Variants in NUP214 observed in about 807,000 individuals in gnomAD.
NUP214 encodes nuclear pore complex protein Nup214.
A neutral mutation model predicts 196.2 loss-of-function variants in NUP214; 79 were observed. The ratio of observed to expected loss-of-function variants is 0.40; its 90% CI spans 0.34 to 0.49. The LOEUF is 0.49. Ranked by LOEUF, NUP214 falls within the 20% of genes least tolerant of loss-of-function variation. The pLI, the probability that NUP214 is intolerant of heterozygous loss-of-function variation, is 0.58. For synonymous variants in NUP214, 1,020 were observed against 990.5 expected (o/e 1.03, Z -0.56); for missense variants, 2,468 against 2,539.0 (o/e 0.97, Z 0.60).
At position 131,125,834 on chromosome 9, in the gene NUP214, C is replaced by CT. The variant is rs1268114896; in HGVS notation, c.45+86dup. Reference sequence around the variant, plus strand: ...GCTGAAAGGCGAAGCGCGGTGCTGGCTGTCCCGCCTCCTGCTTGAACAGTT... The same window carrying CT: ...GCTGAAAGGCGAAGCGCGGTGCTGGCTTGTCCCGCCTCCTGCTTGAACAGTT... On this transcript the variant is annotated intron_variant, in intron 1 of 35. Transcript: ENST00000359428. The surrounding 1 kb of genome is among the most constrained non-coding windows in gnomAD (Gnocchi z 4.1). 1.4e-6 allele frequency: 2 copies of CT among 1,457,374 alleles called. No homozygotes were observed. Among genetic ancestry groups the CT allele is most frequent in the African/African-American group, 2.8e-5 (2 of 70,780 alleles). 90.3% of individuals were successfully genotyped at this position (1,457,374 alleles called of 1,614,324 possible).
intron 32 of NUP214, among the ~76,000 whole-genome samples, chr9:131,223,727 A>ATTTATTTATTTATTTATT: frequency 6.4e-5 from 1 of 15,660 alleles, no homozygotes; most frequent in African/African-American, 1.5e-4. Context: ...TTATTTATTT[A>ATTTATTTATTTATTTATT]TTTTTTTTTT....
chr9:131,174,241 G>T lies in NUP214; in HGVS notation c.3080G>T (p.Ser1027Ile). Reference protein sequence around the residue: ...PVVRTPSIQPSLLPHAAPFAK... With the variant: ...PVVRTPSIQPILLPHAAPFAK... ...GTTCGCACTCCTTCCATCCAGCCCA[G>T]TCTCTTGCCCCATGCAGCACCTTTT... is the stretch of plus-strand genomic sequence containing the variant. The change falls in exon 22 of 36, where the codon AGT becomes ATT. Residue 1027 changes from serine to isoleucine, a missense_variant. Ser to Ile is a moderately radical substitution (Grantham distance 142, BLOSUM62 -2). Around this residue, in one of 5 missense-constraint regions of NUP214, gnomAD observed 1,801 missense variants for 1,779.4 expected, o/e 1.01. Transcript: ENST00000359428. 1 of 1,613,888 alleles carries T rather than the reference G, an allele frequency of 6.2e-7. No homozygotes were observed. Among genetic ancestry groups the T allele is most frequent in the South Asian group, 1.1e-5 (1 of 91,042 alleles).
intron 18 of NUP214, among the ~76,000 whole-genome samples, chr9:131,161,505 C>T (rs951485847): frequency 2.6e-5 from 4 of 152,154 alleles, no homozygotes; most frequent in African/African-American, 9.7e-5. Context: ...GATCCACCCA[C>T]CTCGCCCTCC....
At chr9:131,184,178 G>C (rs1216468178) in intron 24 of NUP214, among the ~76,000 whole-genome samples, 3 of 150,366 alleles carry the variant, frequency 2.0e-5, no homozygotes, top group Non-Finnish European at 4.4e-5. Context: ...TTACAGGTGT[G>C]CACCAGCACA....
intron 27 of NUP214, among the ~76,000 whole-genome samples, chr9:131,193,629 CTTTTTTTTTTTTTTTTTTT>C (rs71389402): frequency 1.8e-4 from 5 of 28,228 alleles, no homozygotes; most frequent in African/African-American, 2.4e-4. Flanking sequence ...TCTTCCTTTT[CTTTTTTTTTTTTTTTTTTT>C]TTTTTTTTTT....
intron 19 of NUP214, 34 bp from the exon 20 acceptor site, chr9:131,163,836 T>C: frequency 6.5e-7 from 1 of 1,546,006 alleles, no homozygotes; most frequent in South Asian, 1.1e-5. Context: ...TTTCAGCTCC[T>C]AGTTGGTCTG....
chr9:131,231,713 G>A (rs1834883785), intron 34 of NUP214, among the ~76,000 whole-genome samples: 1 of 150,794 alleles, frequency 6.6e-6, no homozygotes, highest in Admixed American at 6.6e-5. Context: ...GGCAGAATAT[G>A]TGTCTTCCAT....
At chr9:131,176,003 A>C (rs532880244) in intron 23 of NUP214, among the ~76,000 whole-genome samples, 17 of 152,204 alleles carry the variant, frequency 1.1e-4, no homozygotes, top group African/African-American at 3.6e-4. Flanking sequence ...GATTGCAGCT[A>C]CCCCAAGAGG....
chr9:131,125,848 G>C lies in NUP214; in HGVS notation c.45+99G>C, dbSNP rs977407575. 1 of 1,389,488 alleles carries C rather than the reference G, an allele frequency of 7.2e-7. No homozygotes were observed. Among genetic ancestry groups the C allele is most frequent in the African/African-American group, 1.5e-5 (1 of 68,638 alleles). 86.1% of individuals were successfully genotyped at this position (1,389,488 alleles called of 1,614,324 possible). A position where few individuals can be genotyped will look rare whatever the true frequency, so the allele number is the denominator to read the frequency against. On this transcript the variant is annotated intron_variant, in intron 1 of 35. Coordinates refer to ENST00000359428, the MANE Select transcript of NUP214 (RefSeq NM_005085.4). The surrounding 1 kb of genome is among the most constrained non-coding windows in gnomAD (Gnocchi z 4.1). ...CGCGGTGCTGGCTGTCCCGCCTCCT[G>C]CTTGAACAGTTTACCGCGTTCACAG...
intron 32 of NUP214, among the ~76,000 whole-genome samples, chr9:131,224,870 A>G (rs545075204): frequency 4.2e-4 from 64 of 152,368 alleles, no homozygotes; most frequent in African/African-American, 1.3e-3. Context: ...TAGTTCATCG[A>G]TCATCAAGAC....
intron 27 of NUP214, among the ~76,000 whole-genome samples, chr9:131,194,919 C>T (rs1038674146): frequency 6.6e-6 from 1 of 152,208 alleles, no homozygotes; most frequent in African/African-American, 2.4e-5. Context: ...TGTCATGTGT[C>T]TCTACTGCTG....
At chr9:131,230,555 A>G in intron 33 of NUP214, 75 bp from the exon 34 acceptor site, 1 of 1,572,588 alleles carries the variant, frequency 6.4e-7, no homozygotes, top group South Asian at 1.1e-5. Context: ...GACTTACAGC[A>G]GGGGGCTGAG....
At chr9:131,152,176 G>A (rs1157606011) in intron 17 of NUP214, among the ~76,000 whole-genome samples, 1 of 152,152 alleles carries the variant, frequency 6.6e-6, no homozygotes, top group African/African-American at 2.4e-5. Context: ...GTGCAATGGT[G>A]TGATCCCAGC....
intron 28 of NUP214, 143 bp from the exon 29 acceptor site, chr9:131,197,070 CCTT>C (rs1833809090): frequency 9.1e-7 from 1 of 1,094,832 alleles, no homozygotes; most frequent in African/African-American, 1.6e-5. Context: ...CATTCCACCT[CCTT>C]AGAGAAAGCT....
At chr9:131,143,478 C>T (rs1016437581) in intron 11 of NUP214, among the ~76,000 whole-genome samples, 1 of 151,906 alleles carries the variant, frequency 6.6e-6, no homozygotes, top group Non-Finnish European at 1.5e-5. Context: ...TACTAGTTAC[C>T]TACCAGTGAT....
intron 11 of NUP214, among the ~76,000 whole-genome samples, chr9:131,142,823 A>T (rs1831960399): frequency 6.6e-6 from 1 of 152,218 alleles, no homozygotes; most frequent in Non-Finnish European, 1.5e-5. Context: ...GTATCTAAGT[A>T]TTACGTTGCA....
intron 29 of NUP214, among the ~76,000 whole-genome samples, chr9:131,199,492 T>C (rs1185050153): frequency 6.6e-6 from 1 of 152,230 alleles, no homozygotes; most frequent in Admixed American, 6.5e-5. Flanking sequence ...CTGTCTCCTC[T>C]GACACCATCT....
chr9:131,154,018 G>A (rs938375982), intron 17 of NUP214, among the ~76,000 whole-genome samples: 5 of 152,206 alleles, frequency 3.3e-5, no homozygotes, highest in Non-Finnish European at 5.9e-5. Flanking sequence ...GGGCACAATT[G>A]GGAGGGCATT....
chr9:131,180,456 G>T (rs1418283493), intron 24 of NUP214, among the ~76,000 whole-genome samples: 1 of 152,094 alleles, frequency 6.6e-6, no homozygotes, highest in African/African-American at 2.4e-5. Context: ...GCCAGCTCTC[G>T]TGGAACAGAT....
Sources: gnomAD v4.1 joint callset for allele counts (sites outside exome capture counted in the v4.1 genomes callset) on GRCh38, gnomAD v4.1.1 for gene constraint, gnomAD v4.1.1 regional missense constraint, Gnocchi (gnomAD v3.1) non-coding constraint, MANE v1.5 for transcripts, NCBI Gene and HGNC (gene_info 2026-07-23, HGNC 2026-07-21) for gene names.